The following PCDHA5 variants were observed in gnomAD, a reference collection of about 807,000 sequenced individuals.
PCDHA5 encodes the protein protocadherin alpha-5.
A neutral mutation model predicts 61.6 loss-of-function variants in PCDHA5; 43 were observed. That is an observed-to-expected ratio of 0.70 (90% CI 0.55 to 0.90). PCDHA5 has a LOEUF of 0.90. PCDHA5 is among the 40% of genes least tolerant of loss of function. The pLI is 0.00. For synonymous variants in PCDHA5, 627 were observed against 543.9 expected (o/e 1.15, Z -2.13); for missense variants, 1,298 against 1,222.7 (o/e 1.06, Z -0.92).
At chr5:140,942,863 T>A (rs1223265899) in intron 1 of PCDHA5, among the ~76,000 whole-genome samples, 2 of 152,126 alleles carry the variant, frequency 1.3e-5, no homozygotes, top group Non-Finnish European at 2.9e-5. Context: ...TTATTTTGCT[T>A]TAGCATGACA....
At chr5:140,869,400 C>G (rs782134920) in intron 1 of PCDHA5, 3 of 1,614,144 alleles carry the variant, frequency 1.9e-6, no homozygotes, top group Middle Eastern at 3.3e-4. Context: ...GCGGGCAGAG[C>G]GCGGAGTGCA....
rs782736508 is a variant in PCDHA5 at position 140,857,757 on chromosome 5, G to A, written c.2352+33630G>A. ...CCCGCGCTGCTGGCGTCTCCCGCTGGCAGCGCGGGCGGTGCAGTCAGTGAG... is the reference window on the plus strand; with the variant it reads ...CCCGCGCTGCTGGCGTCTCCCGCTGACAGCGCGGGCGGTGCAGTCAGTGAG... On this transcript the variant is annotated intron_variant, in intron 1 of 3. Coordinates refer to ENST00000529859, the MANE Select transcript of PCDHA5 (RefSeq NM_018908.3). 1.2e-5 allele frequency: 19 copies of A among 1,597,402 alleles called. No individual in the cohort carries two copies. In the East Asian group the frequency reaches 4.0e-4, roughly 34 times the overall value.
chr5:140,870,654 C>T lies in PCDHA5; in HGVS notation c.2352+46527C>T, dbSNP rs781878209. 10 of 1,612,444 alleles carry T rather than the reference C, an allele frequency of 6.2e-6. No homozygotes were observed. The African/African-American group carries it at 8.0e-5, about 13-fold the overall frequency. ...TGCACGCGGAGAGCGGCAAGGTGTACGCGCTGCAGCCGTTGGACCACGAGG... is the reference window on the plus strand; with the variant it reads ...TGCACGCGGAGAGCGGCAAGGTGTATGCGCTGCAGCCGTTGGACCACGAGG... On this transcript the variant is annotated intron_variant, in intron 1 of 3. Transcript: ENST00000529859.
intron 1 of PCDHA5, chr5:140,927,237 G>A (rs1554204217): frequency 1.2e-6 from 2 of 1,614,110 alleles, no homozygotes; most frequent in Admixed American, 1.7e-5. Flanking sequence ...TTCACGTCCT[G>A]GACACCAATG....
chr5:141,003,589 A>G (rs781995684), intron 3 of PCDHA5, among the ~76,000 whole-genome samples: 9 of 152,170 alleles, frequency 5.9e-5, no homozygotes, highest in Non-Finnish European at 1.3e-4. Context: ...CTGGGATTTT[A>G]GATGTGAGCC....
rs2150260051 is a variant in PCDHA5, at chr5:140,836,413, A to C, written c.2352+12286A>C. On this transcript the variant is annotated intron_variant, in intron 1 of 3. Coordinates refer to ENST00000529859, the MANE Select transcript of PCDHA5 (RefSeq NM_018908.3). ...CTGGTGGAAAGCGGCCAGGCACCAA[A>C]GGCGTCGTCGCGGGCATCGTTGGGC... The C allele has an allele frequency of 1.9e-6, 3 of 1,613,666 alleles. No individual in the cohort carries two copies. In the Admixed American group the frequency reaches 5.0e-5, roughly 27 times the overall value.
chr5:140,920,403 T>A (rs1440027208), intron 1 of PCDHA5, among the ~76,000 whole-genome samples: 3 of 152,356 alleles, frequency 2.0e-5, no homozygotes, highest in South Asian at 2.1e-4. Context: ...TGTCTTTTTT[T>A]AATCAGATAC....
chr5:140,850,924 T>A (rs2150502629), intron 1 of PCDHA5: 3 of 1,517,174 alleles, frequency 2.0e-6, no homozygotes, highest in Non-Finnish European at 1.8e-6. Flanking sequence ...ATTTATATAA[T>A]TTTTTTTCTT....
chr5:140,926,885 GAGGGA>G (rs782449015), intron 1 of PCDHA5: 1 of 1,543,482 alleles, frequency 6.5e-7, no homozygotes, highest in Non-Finnish European at 8.7e-7. Context: ...TGGACGCCTA[GAGGGA>G]GGATGGTGGG....
chr5:140,849,843 G>C (rs2150453087), intron 1 of PCDHA5: 3 of 1,598,500 alleles, frequency 1.9e-6, no homozygotes, highest in Non-Finnish European at 1.7e-6. Flanking sequence ...CGACGTGAAC[G>C]ACAACGCACC....
chr5:140,974,116 G>T (rs2096616118), intron 1 of PCDHA5, among the ~76,000 whole-genome samples: 1 of 152,192 alleles, frequency 6.6e-6, no homozygotes. Context: ...TTCTTTTGCA[G>T]TGTTTTAAAT....
rs1299699078 is a variant in PCDHA5 at position 140,843,118 on chromosome 5, C to G, written c.2352+18991C>G. 1.7e-5 allele frequency: 27 copies of G among 1,595,720 alleles called. 3 individuals carry two copies. Among genetic ancestry groups the G allele is most frequent in the African/African-American group, 4.0e-5 (3 of 74,428 alleles). The stretch of plus-strand genomic sequence containing the variant: ...TAGCGAAGGTGCGCGCAGTGGACGC[C>G]GACTCGGGCTACAACGCGTGGCTTT... On this transcript the variant is annotated intron_variant, in intron 1 of 3. Transcript: ENST00000529859.
intron 1 of PCDHA5, among the ~76,000 whole-genome samples, chr5:140,872,240 T>A (rs2053559781): frequency 6.6e-6 from 1 of 152,178 alleles, no homozygotes; most frequent in Non-Finnish European, 1.5e-5. Flanking sequence ...TTGTCTTTAT[T>A]CCTGTGATAA....
chr5:140,845,256 T>A (rs1349718505), intron 1 of PCDHA5, among the ~76,000 whole-genome samples: 1 of 149,608 alleles, frequency 6.7e-6, no homozygotes, highest in Admixed American at 6.7e-5. Flanking sequence ...GAATAATATG[T>A]GTTTTCCTTT....
At chr5:140,931,779 T>G (rs1298337220) in intron 1 of PCDHA5, among the ~76,000 whole-genome samples, 1 of 152,006 alleles carries the variant, frequency 6.6e-6, no homozygotes, top group African/African-American at 2.4e-5. Context: ...CCTGTTCAAT[T>G]ACCTATTGAT....
intron 1 of PCDHA5, among the ~76,000 whole-genome samples, chr5:140,952,280 G>A (rs1320502466): frequency 2.0e-5 from 3 of 151,652 alleles, no homozygotes; most frequent in Non-Finnish European, 4.4e-5. Context: ...TGAGGGTGGT[G>A]GCCCTCTTCT....
chr5:140,967,181 T>C (rs782433025), intron 1 of PCDHA5: 4 of 1,613,136 alleles, frequency 2.5e-6, no homozygotes, highest in East Asian at 2.2e-5. Context: ...GGTGGAAATA[T>C]TGGACATCAA....
At chr5:140,844,298 G>A (rs1779310568) in intron 1 of PCDHA5, among the ~76,000 whole-genome samples, 1 of 149,300 alleles carries the variant, frequency 6.7e-6, no homozygotes, top group Admixed American at 6.7e-5. Flanking sequence ...AAATTTGATA[G>A]TTTTCATATT....
At chr5:140,845,964 G>A (rs1780137378) in intron 1 of PCDHA5, among the ~76,000 whole-genome samples, 1 of 149,394 alleles carries the variant, frequency 6.7e-6, no homozygotes, top group Non-Finnish European at 1.5e-5. Context: ...GATTAACCTA[G>A]GATGTTTCAA....
Sources: allele counts gnomAD v4.1 joint callset (sites outside exome capture counted in the v4.1 genomes callset), GRCh38; gene constraint gnomAD v4.1.1; transcripts MANE v1.5; gene names NCBI Gene and HGNC (gene_info 2026-07-23, HGNC 2026-07-21).